Variants in CMTM8 observed in about 807,000 individuals in gnomAD.
CMTM8 encodes CKLF like MARVEL transmembrane domain containing 8.
In CMTM8, 12 loss-of-function variants were observed where a neutral mutation model predicts 18.6. The observed-to-expected ratio is 0.65, with a 90% confidence interval of 0.41 to 1.05. The LOEUF (loss-of-function observed/expected upper bound fraction) is 1.05, where lower values mean the gene tolerates loss of function less well. CMTM8 is among the 50% of genes least tolerant of loss of function. The pLI is 0.00. For synonymous variants in CMTM8, 87 were observed against 90.6 expected (o/e 0.96, Z 0.23); for missense variants, 217 against 227.2 (o/e 0.95, Z 0.29).
At chr3:32,366,267 A>T (rs1415653129) in intron 2 of CMTM8, among the ~76,000 whole-genome samples, 2 of 152,218 alleles carry the variant, frequency 1.3e-5, no homozygotes, top group African/African-American at 4.8e-5. Flanking sequence ...TTCCAAGGGA[A>T]ATAGCAGTTT....
chr3:32,238,968 C>T lies in CMTM8; in HGVS notation c.-5C>T, dbSNP rs1034400950. ...GGGACGCGCCAGCCCGGCAGTGGCT[C>T]GACGATGGAGGAGCCGCAGCGCGCC... On this transcript the variant is annotated 5_prime_UTR_variant, in exon 1 of 4. Coordinates refer to ENST00000307526, the MANE Select transcript of CMTM8 (RefSeq NM_178868.5). 5 of 1,546,906 alleles carry T rather than the reference C, an allele frequency of 3.2e-6. No homozygotes were observed. The highest frequency in any genetic ancestry group is 2.0e-5 in the Admixed American group (1 of 50,796).
intron 1 of CMTM8, among the ~76,000 whole-genome samples, chr3:32,343,613 C>T (rs1696540438): frequency 6.6e-6 from 1 of 152,190 alleles, no homozygotes; most frequent in South Asian, 2.1e-4. Context: ...TTTATTACAG[C>T]TTATAATTAA....
intron 1 of CMTM8, among the ~76,000 whole-genome samples, chr3:32,337,213 C>A (rs1156535217): frequency 2.0e-5 from 3 of 152,222 alleles, no homozygotes; most frequent in African/African-American, 7.2e-5. Flanking sequence ...AAGTTTCCAA[C>A]ACATAAAGTT....
At position 32,310,362 on chromosome 3, in the gene CMTM8, G is replaced by GA. The variant is rs1294371983; in HGVS notation, c.148-47004dup. Among the ~76,000 whole-genome samples, 7 of 152,056 alleles carry GA rather than the reference G, an allele frequency of 4.6e-5. No individual in the cohort carries two copies. In the East Asian group the frequency reaches 1.4e-3, roughly 29 times the overall value. ...CAGTTCAGCTGTGTTTTTGCTCCAA[G>GA]AAAAAAATATACCTGAGCTGTAGAT... On this transcript the variant is annotated intron_variant, in intron 1 of 3. Coordinates refer to ENST00000307526, the MANE Select transcript of CMTM8 (RefSeq NM_178868.5).
At chr3:32,245,925 C>T (rs1352670153) in intron 1 of CMTM8, among the ~76,000 whole-genome samples, 4 of 152,136 alleles carry the variant, frequency 2.6e-5, no homozygotes, top group African/African-American at 9.7e-5. Flanking sequence ...AAGCAATGCT[C>T]ATGCCTCAGC....
At chr3:32,274,600 G>A (rs187748236) in intron 1 of CMTM8, among the ~76,000 whole-genome samples, 1 of 152,232 alleles carries the variant, frequency 6.6e-6, no homozygotes, top group East Asian at 1.9e-4. Flanking sequence ...AGCTATTCCA[G>A]CATGCATCTC....
At chr3:32,269,241 G>A (rs1702398313) in intron 1 of CMTM8, among the ~76,000 whole-genome samples, 1 of 152,182 alleles carries the variant, frequency 6.6e-6, no homozygotes, top group African/African-American at 2.4e-5. Context: ...ATGTCTGTGT[G>A]CTTTGAAGCT....
Position 32,265,128 on chromosome 3 carries a change from G to A in CMTM8, c.147+26009G>A, listed in dbSNP as rs147834664. On this transcript the variant is annotated intron_variant, in intron 1 of 3. Transcript: ENST00000307526. ...CTAATAGACATCTACAAAACTCTCC[G>A]CCCCAAATCAACAGAATATACATTC... 3.6e-3 allele frequency among the ~76,000 whole-genome samples: 545 copies of A among 152,058 alleles called. 3 individuals are homozygous for A. Among genetic ancestry groups the A allele is most frequent in the African/African-American group, 0.011 (457 of 41,480 alleles).
chr3:32,341,833 C>T (rs1026508456), intron 1 of CMTM8, among the ~76,000 whole-genome samples: 1 of 151,958 alleles, frequency 6.6e-6, no homozygotes, highest in African/African-American at 2.4e-5. Flanking sequence ...GCCAAGGTTG[C>T]CGCTGCACTC....
At chr3:32,261,586 G>A (rs998132972) in intron 1 of CMTM8, among the ~76,000 whole-genome samples, 2 of 152,164 alleles carry the variant, frequency 1.3e-5, no homozygotes, top group Non-Finnish European at 2.9e-5. Context: ...CTGTTTCTAG[G>A]AAGGTGCCCG....
intron 1 of CMTM8, among the ~76,000 whole-genome samples, chr3:32,347,297 G>GTTTTTTTTTTTTTTTTTT (rs56826485): frequency 8.1e-5 from 11 of 136,534 alleles, no homozygotes; most frequent in African/African-American, 2.5e-4. Context: ...TTTTGCTTAG[G>GTTTTTTTTTTTTTTTTTT]TTTTTTTTTT....
chr3:32,347,297 GTT>G (rs56826485), intron 1 of CMTM8, among the ~76,000 whole-genome samples: 1 of 136,532 alleles, frequency 7.3e-6, no homozygotes, highest in African/African-American at 2.7e-5. Context: ...TTTTGCTTAG[GTT>G]TTTTTTTTTT....
chr3:32,324,641 G>T (rs988703109), intron 1 of CMTM8, among the ~76,000 whole-genome samples: 1 of 152,144 alleles, frequency 6.6e-6, no homozygotes, highest in Non-Finnish European at 1.5e-5. Flanking sequence ...GACAAAGATG[G>T]CAGGGCCTTT....
At chr3:32,367,005 C>T (rs1033940523) in intron 2 of CMTM8, among the ~76,000 whole-genome samples, 1 of 152,060 alleles carries the variant, frequency 6.6e-6, no homozygotes, top group Non-Finnish European at 1.5e-5. Context: ...GCTTTTTTTT[C>T]TCTGAGAAGA....
At chr3:32,270,522 G>A (rs969565454) in intron 1 of CMTM8, among the ~76,000 whole-genome samples, 10 of 152,280 alleles carry the variant, frequency 6.6e-5, no homozygotes, top group East Asian at 5.8e-4. Flanking sequence ...CATAGACACC[G>A]TGGAATACTA....
chr3:32,250,864 A>T (rs1271755607), intron 1 of CMTM8, among the ~76,000 whole-genome samples: 1 of 152,012 alleles, frequency 6.6e-6, no homozygotes, highest in Non-Finnish European at 1.5e-5. Context: ...AATTGCTGGG[A>T]TTACAGCCGT....
At chr3:32,323,951 G>C (rs1696108027) in intron 1 of CMTM8, among the ~76,000 whole-genome samples, 1 of 152,202 alleles carries the variant, frequency 6.6e-6, no homozygotes, top group Admixed American at 6.5e-5. Context: ...GCAGGCCAGG[G>C]CCAAAACTGA....
At chr3:32,361,289 T>TTTTTTTTGTTTTTTGTTTTG (rs200857947) in intron 2 of CMTM8, among the ~76,000 whole-genome samples, 2 of 143,646 alleles carry the variant, frequency 1.4e-5, no homozygotes, top group Non-Finnish European at 3.1e-5. Flanking sequence ...CCTAAGAGTT[T>TTTTTTTTGTTTTTTGTTTTG]TTTTTTCTTT....
intron 1 of CMTM8, among the ~76,000 whole-genome samples, chr3:32,312,728 G>A (rs1485837852): frequency 6.6e-6 from 1 of 151,762 alleles, no homozygotes. Context: ...GGGATGTCGG[G>A]CTGAAGGTTC....
Sources: gnomAD v4.1 joint callset for allele counts (sites outside exome capture counted in the v4.1 genomes callset) on GRCh38, gnomAD v4.1.1 for gene constraint, MANE v1.5 for transcripts, NCBI Gene and HGNC (gene_info 2026-07-23, HGNC 2026-07-21) for gene names.